The following JRK variants were observed in gnomAD, a reference collection of about 807,000 sequenced individuals.
The protein encoded by JRK is Jrk helix-turn-helix protein.
For synonymous variants in JRK, 303 were observed against 218.1 expected, an observed-to-expected ratio of 1.39 and a Z score of -3.43; for missense variants, 720 against 509.2, an observed-to-expected ratio of 1.41 and a Z score of -3.98.
chr8:142,646,634 C>T, the JRK span, among the ~76,000 whole-genome samples: 2 of 152,126 alleles, frequency 1.3e-5, no homozygotes, highest in Non-Finnish European at 2.9e-5. Flanking sequence ...TCTAATATTA[C>T]TTTACCAATA....
downstream of JRK, among the ~76,000 whole-genome samples, chr8:142,652,618 C>T (rs1374139930): frequency 6.6e-6 from 1 of 152,170 alleles, no homozygotes; most frequent in Admixed American, 6.5e-5. Context: ...CCCCTCCCCA[C>T]CGAACTTGAA....
At position 142,666,338 on chromosome 8, in the gene JRK, G is replaced by A; in HGVS notation, c.-280C>T. On this transcript the variant is annotated 5_prime_UTR_variant, in exon 2 of 2. Coordinates refer to ENST00000612905, the MANE Select transcript of JRK (RefSeq NM_003724.4). ...AGCTGCCAATTCTCTCTGTGGAGGA[G>A]GTGACCCTGTCAGACTCCCCTCTGC... The A allele has an allele frequency of 1.8e-6, 1 of 542,836 alleles. No homozygotes were observed. The highest frequency in any genetic ancestry group is 3.4e-6 in the Non-Finnish European group (1 of 291,342). 33.6% of individuals were successfully genotyped at this position (542,836 alleles called of 1,614,324 possible). A position where few individuals can be genotyped will look rare whatever the true frequency, so the allele number is the denominator to read the frequency against.
In JRK at chr8:142,659,774, T is replaced by C; in HGVS notation, c.*4578A>G. On this transcript the variant is annotated 3_prime_UTR_variant, in exon 2 of 2. Coordinates refer to ENST00000612905, the MANE Select transcript of JRK (RefSeq NM_003724.4). ...CTGGTGAACAGCAGGGAGTGAGCAG[T>C]GGAGAACGTGAGGCTGGTCATTAGG... 1 of 985,490 alleles carries C rather than the reference T, an allele frequency of 1.0e-6. No homozygotes were observed. The highest frequency in any genetic ancestry group is 1.2e-6 in the Non-Finnish European group (1 of 829,978). 61.0% of individuals were successfully genotyped at this position (985,490 alleles called of 1,614,324 possible).
the JRK span, among the ~76,000 whole-genome samples, chr8:142,647,260 TAAAATTTTTTTTCTTAATGAAAA>T: frequency 2.0e-5 from 3 of 152,066 alleles, no homozygotes; most frequent in Non-Finnish European, 2.9e-5. Context: ...ACAGTGCACT[TAAAATTTTTTTTCTTAATGAAAA>T]AAAATTTCCT....
Position 142,664,283 on chromosome 8 carries a change from C to T in JRK, c.*69G>A, listed in dbSNP as rs1847010793. 6.8e-7 allele frequency: 1 copy of T among 1,480,244 alleles called. No homozygotes were observed. Among genetic ancestry groups the T allele is most frequent in the Non-Finnish European group, 9.0e-7 (1 of 1,114,446 alleles). 91.7% of individuals were successfully genotyped at this position (1,480,244 alleles called of 1,614,324 possible). On this transcript the variant is annotated 3_prime_UTR_variant, in exon 2 of 2. Transcript: ENST00000612905. ...CCTCCTGCCTCAGGTGGGGTCGGGG[C>T]ACAGGACCATGCCACTCCAGGGTGT...
At chr8:142,645,344 G>A in the JRK span, among the ~76,000 whole-genome samples, 90,045 of 151,922 alleles carry the variant, frequency 0.59, 28,119 homozygotes, top group Admixed American at 0.69. Context: ...CAATAATAGT[G>A]TAACAACTTG....
rs587713594 is a variant in JRK, at chr8:142,658,672, C to G, written c.*5680G>C. On this transcript the variant is annotated 3_prime_UTR_variant, in exon 2 of 2. Transcript: ENST00000612905. ...CTCCCAAAGGCCCCACCTCCTAATA[C>G]CACCCTCCTGGGGGTCAGGGTTTCA... is the stretch of plus-strand genomic sequence containing the variant. 72 of 1,121,886 alleles carry G rather than the reference C, an allele frequency of 6.4e-5. No homozygotes were observed. The highest frequency in any genetic ancestry group is 6.5e-4 in the Middle Eastern group (2 of 3,062). 69.5% of individuals were successfully genotyped at this position (1,121,886 alleles called of 1,614,324 possible).
chr8:142,651,166 G>A, the JRK span, among the ~76,000 whole-genome samples: 1 of 151,768 alleles, frequency 6.6e-6, no homozygotes, highest in Non-Finnish European at 1.5e-5. Flanking sequence ...TTCTAAGAGA[G>A]GAAAAAAACA....
chr8:142,655,650 C>G (rs1225358416), downstream of JRK, among the ~76,000 whole-genome samples: 4 of 152,200 alleles, frequency 2.6e-5, no homozygotes, highest in East Asian at 7.7e-4. Flanking sequence ...TGAGCCTCAA[C>G]TGCTCATCTG....
Position 142,665,797 on chromosome 8 carries a change from G to T in JRK, c.262C>A (p.His88Asn), listed in dbSNP as rs201959476. 59 of 778,520 alleles carry T rather than the reference G, an allele frequency of 7.6e-5. No homozygotes were observed. The highest frequency in any genetic ancestry group is 1.1e-4 in the Non-Finnish European group (46 of 417,424). The allele number at this position is 778,520 out of a possible 1,614,324, so 48.2% of individuals were successfully genotyped here. A position where few individuals can be genotyped will look rare whatever the true frequency, so the allele number is the denominator to read the frequency against. ...RRTLHTPKLE[H>N]LDRVLYEWFL... Reference sequence around the variant, plus strand: ...CACTCGTACAGGACGCGGTCCAGGTGCTCCAGCTTGGGCGTGTGCAGCGTG... The same window carrying T: ...CACTCGTACAGGACGCGGTCCAGGTTCTCCAGCTTGGGCGTGTGCAGCGTG... Residue 88 changes from histidine to asparagine, a missense_variant, in exon 2 of 2, where the codon CAC becomes AAC. Physicochemically the swap from His to Asn is moderately conservative, Grantham distance 68 (BLOSUM62 1). Transcript: ENST00000612905.
rs587730660 is a variant in JRK, at chr8:142,660,007, C to T, written c.*4345G>A. On this transcript the variant is annotated 3_prime_UTR_variant, in exon 2 of 2. Coordinates refer to ENST00000612905, the MANE Select transcript of JRK (RefSeq NM_003724.4). Reference sequence around the variant, plus strand: ...GACACCACATGGGCAAAGGAGTGGGCGTGTGGGGCTGGGAGCTGGGGCTCA... The same window carrying T: ...GACACCACATGGGCAAAGGAGTGGGTGTGTGGGGCTGGGAGCTGGGGCTCA... The T allele has an allele frequency of 7.1e-6, 7 of 985,812 alleles. No homozygotes were observed. Among genetic ancestry groups the T allele is most frequent in the South Asian group, 4.7e-5 (1 of 21,286 alleles). 61.1% of individuals were successfully genotyped at this position (985,812 alleles called of 1,614,324 possible). A position where few individuals can be genotyped will look rare whatever the true frequency, so the allele number is the denominator to read the frequency against.
chr8:142,652,116 C>T, the JRK span, among the ~76,000 whole-genome samples: 2 of 152,126 alleles, frequency 1.3e-5, no homozygotes, highest in African/African-American at 4.8e-5. Flanking sequence ...AGTAAATTGC[C>T]CTATTGGTTT....
the JRK span, among the ~76,000 whole-genome samples, chr8:142,644,257 A>C: frequency 6.6e-6 from 1 of 152,184 alleles, no homozygotes; most frequent in Non-Finnish European, 1.5e-5. Context: ...TGTGAATGAC[A>C]AAAGGTTTTA....
chr8:142,661,105 C>A lies in JRK; in HGVS notation c.*3247G>T. On this transcript the variant is annotated 3_prime_UTR_variant, in exon 2 of 2. Coordinates refer to ENST00000612905, the MANE Select transcript of JRK (RefSeq NM_003724.4). ...CATCGCATGCTCAGCCATGGCTGAG[C>A]ACGAATGAAGCATATGGAAGTCACG... 1 of 985,456 alleles carries A rather than the reference C, an allele frequency of 1.0e-6. No individual in the cohort carries two copies. 61.0% of individuals were successfully genotyped at this position (985,456 alleles called of 1,614,324 possible). A position where few individuals can be genotyped will look rare whatever the true frequency, so the allele number is the denominator to read the frequency against.
intron 1 of JRK, among the ~76,000 whole-genome samples, chr8:142,667,283 G>T (rs1554636341): frequency 6.6e-6 from 1 of 152,166 alleles, no homozygotes; most frequent in African/African-American, 2.4e-5. Context: ...TTCCAGAGGG[G>T]ACCCCTCAAG....
chr8:142,644,293 T>A, the JRK span, among the ~76,000 whole-genome samples: 1 of 152,056 alleles, frequency 6.6e-6, no homozygotes, highest in African/African-American at 2.4e-5. Context: ...AAAGCACCAT[T>A]GACAAGAAAA....
chr8:142,654,107 T>C (rs1846709042), downstream of JRK, among the ~76,000 whole-genome samples: 1 of 152,074 alleles, frequency 6.6e-6, no homozygotes, highest in African/African-American at 2.4e-5. Context: ...CTGATTGGTA[T>C]CAAACCAAAT....
rs1256845540 is a variant in JRK, at chr8:142,665,107, T to C, written c.952A>G (p.Ile318Val). The C allele has an allele frequency of 2.8e-6, 2 of 717,772 alleles. No individual in the cohort carries two copies. The highest frequency in any genetic ancestry group is 3.5e-5 in the African/African-American group (2 of 57,240). 44.5% of individuals were successfully genotyped at this position (717,772 alleles called of 1,614,324 possible). Residue 318 changes from isoleucine (I) to valine (V), a missense_variant, in exon 2 of 2, where the codon ATC becomes GTC. Coordinates refer to ENST00000612905, the MANE Select transcript of JRK (RefSeq NM_003724.4). ...GAGGCCACGCTGGCAGGCAGGAAGA[T>C]GGTGAAAACGTTACTGGACACCAGC... ...AELVSSNVFT[I>V]FLPASVASLV... is the part of the protein sequence containing the mutation.
In JRK at chr8:142,664,725, C is replaced by T. The variant is rs782146627; in HGVS notation, c.1334G>A (p.Arg445Lys). The T allele has an allele frequency of 6.2e-7, 1 of 1,602,924 alleles. No individual in the cohort carries two copies. Residue 445 changes from arginine (R) to lysine (K), a missense_variant, in exon 2 of 2, where the codon AGG (arginine) becomes AAG (lysine). By Grantham distance (26) the Arg-to-Lys change is conservative (BLOSUM62 2). Coordinates refer to ENST00000612905, the MANE Select transcript of JRK (RefSeq NM_003724.4). Reference protein sequence around the residue: ...RQAASWGVAGREAEGGRPPAA... With the variant: ...RQAASWGVAGKEAEGGRPPAA... The stretch of plus-strand genomic sequence containing the variant: ...AGGGGGCCGTCCCCCTTCTGCCTCC[C>T]TTCCCGCTACCCCCCAGCTGGCGGC...
Sources: allele counts gnomAD v4.1 joint callset (sites outside exome capture counted in the v4.1 genomes callset), GRCh38; gene constraint gnomAD v4.1.1; transcripts MANE v1.5; gene names NCBI Gene and HGNC (gene_info 2026-07-23, HGNC 2026-07-21).